Variants in DENND5A observed in about 807,000 individuals in gnomAD.
The protein encoded by DENND5A is DENN domain-containing protein 5A.
A neutral mutation model predicts 140.3 loss-of-function variants in DENND5A; 64 were observed. That is an observed-to-expected ratio of 0.46 (90% confidence interval 0.37 to 0.56). The LOEUF is 0.56. DENND5A is among the 20% of genes least tolerant of loss of function. The pLI is 0.00. For synonymous variants in DENND5A, 605 were observed against 607.7 expected, an observed-to-expected ratio of 1.00 and a Z score of 0.07; for missense variants, 1,292 against 1,593.8, an observed-to-expected ratio of 0.81 and a Z score of 3.22.
intron 1 of DENND5A, among the ~76,000 whole-genome samples, chr11:9,210,382 T>C (rs537070154): frequency 4.6e-5 from 7 of 152,320 alleles, no homozygotes; most frequent in Admixed American, 3.3e-4. Flanking sequence ...ATTTCAAAAT[T>C]AGTCAACTAT....
chr11:9,145,195 G>A (rs1362546649), intron 17 of DENND5A, 82 bp from the exon 18 acceptor site: 34 of 1,028,950 alleles, frequency 3.3e-5, no homozygotes, highest in Non-Finnish European at 2.1e-5. Context: ...GATCTGACTG[G>A]CTGCCTGCAA....
chr11:9,234,013 A>C (rs1326816222), intron 1 of DENND5A, among the ~76,000 whole-genome samples: 1 of 152,028 alleles, frequency 6.6e-6, no homozygotes, highest in Non-Finnish European at 1.5e-5. Context: ...CCCCGTCTCT[A>C]CTAAAAATAC....
intron 4 of DENND5A, among the ~76,000 whole-genome samples, 178 bp from the exon 5 acceptor site, chr11:9,193,859 A>G (rs1849226930): frequency 6.6e-6 from 1 of 152,222 alleles, no homozygotes; most frequent in African/African-American, 2.4e-5. Context: ...GACAACCAAG[A>G]GACCCTTGTG....
chr11:9,213,130 A>T (rs888501961), intron 1 of DENND5A, among the ~76,000 whole-genome samples: 6 of 151,298 alleles, frequency 4.0e-5, no homozygotes, highest in African/African-American at 1.2e-4. Context: ...CGGCCTCCCG[A>T]GTAGCTGGGA....
chr11:9,213,652 C>T (rs1030044785), intron 1 of DENND5A, among the ~76,000 whole-genome samples: 1 of 151,052 alleles, frequency 6.6e-6, no homozygotes, highest in Non-Finnish European at 1.5e-5. Flanking sequence ...TACTAAAACA[C>T]AAAAATTAGC....
chr11:9,253,329 T>C (rs1398065665), intron 1 of DENND5A, among the ~76,000 whole-genome samples: 6 of 152,192 alleles, frequency 3.9e-5, no homozygotes, highest in Non-Finnish European at 8.8e-5. Context: ...CTAAGAGAAT[T>C]TGGTTTAAGC....
In DENND5A at chr11:9,240,030, C is replaced by T. The variant is rs976880223; in HGVS notation, c.109+24931G>A. ...GCTACGCCCTCTATAGTAAATTTTC[C>T]AAGACATAAACTGCAAAGCTAGATA... On this transcript the variant is annotated intron_variant, in intron 1 of 22. Coordinates refer to ENST00000328194, the MANE Select transcript of DENND5A (RefSeq NM_015213.4). Among the ~76,000 whole-genome samples, 4 of 152,050 alleles carry T rather than the reference C, an allele frequency of 2.6e-5. No homozygotes were observed. The South Asian group carries it at 6.2e-4, about 24-fold the overall frequency.
chr11:9,167,095 A>G (rs572864770), intron 10 of DENND5A, among the ~76,000 whole-genome samples: 6 of 152,192 alleles, frequency 3.9e-5, no homozygotes, highest in Non-Finnish European at 2.9e-5. Flanking sequence ...TGTGCTGGTG[A>G]TTCTTCTTCA....
chr11:9,196,443 A>G (rs1345102837), intron 4 of DENND5A, among the ~76,000 whole-genome samples: 2 of 152,184 alleles, frequency 1.3e-5, no homozygotes, highest in Non-Finnish European at 2.9e-5. Flanking sequence ...TATATAGTAT[A>G]TACACGGCTA....
At chr11:9,154,807 G>A (rs1423193745) in intron 12 of DENND5A, among the ~76,000 whole-genome samples, 2 of 151,384 alleles carry the variant, frequency 1.3e-5, no homozygotes, top group Non-Finnish European at 2.9e-5. Context: ...ATTGTTTCCT[G>A]TTGGGAGCCA....
At chr11:9,169,528 C>CA (rs71313483) in intron 10 of DENND5A, among the ~76,000 whole-genome samples, 1 of 150,272 alleles carries the variant, frequency 6.7e-6, no homozygotes, top group African/African-American at 2.5e-5. Flanking sequence ...CACACACACA[C>CA]AAAACTCACA....
intron 20 of DENND5A, 48 bp downstream of exon 20, chr11:9,143,355 C>T (rs1178581072): frequency 1.3e-6 from 2 of 1,508,106 alleles, no homozygotes; most frequent in Non-Finnish European, 1.8e-6. Flanking sequence ...CAAAATTATT[C>T]TCTCTTATTC....
intron 12 of DENND5A, among the ~76,000 whole-genome samples, chr11:9,154,849 TA>T (rs1016631197): frequency 3.0e-4 from 44 of 145,750 alleles, no homozygotes; most frequent in Admixed American, 4.8e-4. Context: ...TTAAAAAACT[TA>T]AAAAAAAAAA....
intron 1 of DENND5A, among the ~76,000 whole-genome samples, chr11:9,253,087 A>G (rs1851800100): frequency 6.6e-6 from 1 of 152,084 alleles, no homozygotes; most frequent in Non-Finnish European, 1.5e-5. Context: ...CCTGGCCTAA[A>G]GCCATCCTCC....
chr11:9,231,783 T>C lies in DENND5A; in HGVS notation c.110-24151A>G, dbSNP rs533344309. On this transcript the variant is annotated intron_variant, in intron 1 of 22. Transcript: ENST00000328194. ...ACCCTCAGTAACATAAGAGAAAGTT[T>C]CCTTTACTTTTAAGAACTTTTATAG... Among the ~76,000 whole-genome samples the C allele has an allele frequency of 2.7e-5, 4 of 150,496 alleles. No homozygotes were observed. In the East Asian group the frequency reaches 7.8e-4, roughly 29 times the overall value.
rs796879381 is a variant in DENND5A at position 9,177,277 on chromosome 11, G to GA, written c.1906+854dup. Among the ~76,000 whole-genome samples, 428 of 129,962 alleles carry GA rather than the reference G, an allele frequency of 3.3e-3. 2 individuals carry two copies. The highest frequency in any genetic ancestry group is 0.01 in the African/African-American group (363 of 35,350). 85.3% of individuals were successfully genotyped at this position (129,962 alleles called of 152,430 possible). Reference sequence around the variant, plus strand: ...TCGAAAAAAAAAAAAAAGAAAGAAAGAAAAAAAAAAAAGGTGGAATGGTGA... The same window carrying GA: ...TCGAAAAAAAAAAAAAAGAAAGAAAGAAAAAAAAAAAAAGGTGGAATGGTGA... On this transcript the variant is annotated intron_variant, in intron 8 of 22. Coordinates refer to ENST00000328194, the MANE Select transcript of DENND5A (RefSeq NM_015213.4).
At chr11:9,257,289 T>A (rs1851987134) in intron 1 of DENND5A, among the ~76,000 whole-genome samples, 1 of 150,870 alleles carries the variant, frequency 6.6e-6, no homozygotes, top group Non-Finnish European at 1.5e-5. Flanking sequence ...AGCAACCATG[T>A]CTAGCCCTCA....
chr11:9,227,162 C>G (rs1850563420), intron 1 of DENND5A, among the ~76,000 whole-genome samples: 1 of 149,528 alleles, frequency 6.7e-6, no homozygotes, highest in African/African-American at 2.5e-5. Flanking sequence ...GAGTGAAACT[C>G]CATCTCAAAA....
chr11:9,251,480 T>C (rs1051781669), intron 1 of DENND5A, among the ~76,000 whole-genome samples: 4 of 152,166 alleles, frequency 2.6e-5, no homozygotes, highest in Admixed American at 2.0e-4. Flanking sequence ...GTCTAAACTA[T>C]ACCTATTGCC....
Sources: allele counts gnomAD v4.1 joint callset (sites outside exome capture counted in the v4.1 genomes callset), GRCh38; gene constraint gnomAD v4.1.1; transcripts MANE v1.5; gene names NCBI Gene and HGNC (gene_info 2026-07-23, HGNC 2026-07-21).